Variants in IQGAP2 observed in about 807,000 individuals in gnomAD.
The protein encoded by IQGAP2 is IQ motif containing GTPase activating protein 2.
IQGAP2 carries 173 observed loss-of-function variants against 201.3 expected under a neutral mutation model. The ratio of observed to expected loss-of-function variants is 0.86; its 90% CI spans 0.76 to 0.98. The LOEUF (loss-of-function observed/expected upper bound fraction) is 0.98. Ranked by LOEUF, IQGAP2 falls within the 50% of genes least tolerant of loss-of-function variation. The pLI, the probability that IQGAP2 is intolerant of heterozygous loss-of-function variation, is 0.00. For missense variants in IQGAP2, 1,687 were observed against 1,864.8 expected (o/e 0.90, Z 1.76); for synonymous variants, 675 against 673.9 (o/e 1.00, Z -0.03).
chr5:76,617,841 A>C (rs147969213), intron 13 of IQGAP2: 2 of 1,613,926 alleles, frequency 1.2e-6, no homozygotes, highest in South Asian at 1.1e-5. Context: ...GTATGCATTA[A>C]GTGTCCGGAT....
chr5:76,558,870 C>T (rs1744127144), intron 2 of IQGAP2, among the ~76,000 whole-genome samples: 1 of 152,160 alleles, frequency 6.6e-6, no homozygotes, highest in Admixed American at 6.5e-5. Context: ...CCCAGTGCCT[C>T]TCCCTGGCTG....
At chr5:76,495,834 C>T (rs1029039021) in intron 2 of IQGAP2, among the ~76,000 whole-genome samples, 1 of 152,130 alleles carries the variant, frequency 6.6e-6, no homozygotes, top group African/African-American at 2.4e-5. Context: ...CACTTATCAC[C>T]AAGGGGATGG....
chr5:76,591,778 A>G (rs2150310128), intron 8 of IQGAP2, among the ~76,000 whole-genome samples: 1 of 152,254 alleles, frequency 6.6e-6, no homozygotes, highest in Admixed American at 6.5e-5. Flanking sequence ...ATCAGCCATC[A>G]GCTTTATGCC....
rs1554058983 is a variant in IQGAP2 at position 76,471,372 on chromosome 5, A to AC, written c.146+9703_146+9704insC. Among the ~76,000 whole-genome samples the AC allele has an allele frequency of 8.1e-3, 947 of 117,238 alleles. 15 individuals are homozygous for AC. The highest frequency in any genetic ancestry group is 0.026 in the African/African-American group (903 of 34,168). 76.9% of individuals were successfully genotyped at this position (117,238 alleles called of 152,430 possible). On this transcript the variant is annotated intron_variant, in intron 2 of 35. Transcript: ENST00000274364. ...TCTGAAAATAAACTAAGCAAAAAAA[A>AC]AAAAAAAAAAAAAACACCCTTCCCT...
chr5:76,698,277 G>T, intron 33 of IQGAP2, 130 bp downstream of exon 33: 2 of 591,824 alleles, frequency 3.4e-6, no homozygotes, highest in South Asian at 2.3e-5. Flanking sequence ...GAAAACTAGA[G>T]TCTCAGTTTT....
intron 2 of IQGAP2, among the ~76,000 whole-genome samples, chr5:76,511,916 G>A (rs1340260230): frequency 2.0e-5 from 3 of 151,964 alleles, no homozygotes; most frequent in African/African-American, 4.8e-5. Context: ...TCCTGACCTC[G>A]TGATCCGCCC....
At chr5:76,676,383 T>TC (rs1028759744) in intron 27 of IQGAP2, among the ~76,000 whole-genome samples, 1 of 151,892 alleles carries the variant, frequency 6.6e-6, no homozygotes, top group African/African-American at 2.4e-5. Flanking sequence ...CTGTTTAACC[T>TC]CCCCCAGCCT....
chr5:76,424,592 C>T (rs540831182), intron 1 of IQGAP2, among the ~76,000 whole-genome samples: 9 of 152,300 alleles, frequency 5.9e-5, no homozygotes, highest in Middle Eastern at 3.4e-3. Flanking sequence ...CCACCACGCC[C>T]GGCCCTAACA....
chr5:76,501,515 G>T (rs1166955904), intron 2 of IQGAP2, among the ~76,000 whole-genome samples: 1 of 152,032 alleles, frequency 6.6e-6, no homozygotes, highest in Non-Finnish European at 1.5e-5. Flanking sequence ...TATAGTGTTG[G>T]GTTGTCTGGT....
chr5:76,432,269 C>A (rs1028484702), intron 1 of IQGAP2, among the ~76,000 whole-genome samples: 9 of 151,914 alleles, frequency 5.9e-5, no homozygotes, highest in Non-Finnish European at 2.9e-5. Flanking sequence ...GGATTACAGG[C>A]ATGCACCACC....
At chr5:76,591,816 C>G (rs373919014) in intron 8 of IQGAP2, among the ~76,000 whole-genome samples, 1 of 152,210 alleles carries the variant, frequency 6.6e-6, no homozygotes, top group Non-Finnish European at 1.5e-5. Context: ...CCTCTCTCCT[C>G]CTTCTCCAGA....
chr5:76,506,385 T>C (rs754049909), intron 2 of IQGAP2, among the ~76,000 whole-genome samples: 2 of 152,226 alleles, frequency 1.3e-5, no homozygotes, highest in Non-Finnish European at 2.9e-5. Flanking sequence ...AATTCCTAAG[T>C]ACTACTATCT....
intron 2 of IQGAP2, among the ~76,000 whole-genome samples, chr5:76,526,046 A>G (rs1758955769): frequency 6.6e-6 from 1 of 152,218 alleles, no homozygotes; most frequent in African/African-American, 2.4e-5. Context: ...TCCCCAAAAC[A>G]AGAGCTTGTG....
At chr5:76,609,313 G>A in intron 12 of IQGAP2, 1 of 1,364,248 alleles carries the variant, frequency 7.3e-7, no homozygotes, top group East Asian at 2.5e-5. Context: ...AATCCTATAG[G>A]GTAAAACGAC....
intron 16 of IQGAP2, among the ~76,000 whole-genome samples, chr5:76,638,843 G>T (rs1469330942): frequency 6.6e-6 from 1 of 152,240 alleles, no homozygotes; most frequent in Non-Finnish European, 1.5e-5. Flanking sequence ...TAGTGAGGTA[G>T]ATCTTGCCGA....
At chr5:76,594,249 G>A (rs1386212996) in intron 9 of IQGAP2, among the ~76,000 whole-genome samples, 1 of 152,230 alleles carries the variant, frequency 6.6e-6, no homozygotes, top group African/African-American at 2.4e-5. Context: ...TTGCCAGTGA[G>A]ACATCTGAGG....
Position 76,683,901 on chromosome 5 carries a change from C to T in IQGAP2, c.3889C>T (p.Arg1297Ter), listed in dbSNP as rs1468854172. 3.7e-6 allele frequency: 6 copies of T among 1,610,518 alleles called. No homozygotes were observed. Among genetic ancestry groups the T allele is most frequent in the South Asian group, 2.2e-5 (2 of 90,228 alleles). Residue 1297 changes from arginine (R) to a stop codon, truncating the protein, a stop_gained, in exon 30 of 36, where the codon CGA (arginine) becomes TGA (stop). Coordinates refer to ENST00000274364, the MANE Select transcript of IQGAP2 (RefSeq NM_006633.5). LOFTEE classifies it high-confidence loss of function. ...AGAGGACGGTGAAGCTATAGATAGC[C>T]GAAGCCTCATGATAAAGTAAGTTTG... is the stretch of plus-strand genomic sequence containing the variant. Reference protein sequence around the residue: ...DIEDGEAIDSRSLMIKTKKLI... With the variant: ...DIEDGEAIDS
intron 1 of IQGAP2, among the ~76,000 whole-genome samples, chr5:76,460,270 A>G (rs938484712): frequency 7.9e-5 from 12 of 152,216 alleles, no homozygotes; most frequent in African/African-American, 2.2e-4. Context: ...CACCTGCAGA[A>G]GGTGGGAGAA....
chr5:76,626,417 T>C (rs1313685115), intron 13 of IQGAP2, among the ~76,000 whole-genome samples: 1 of 151,810 alleles, frequency 6.6e-6, no homozygotes, highest in Non-Finnish European at 1.5e-5. Context: ...ACTACAGGCA[T>C]GCACCACCAC....
Sources: gnomAD v4.1 joint callset for allele counts (sites outside exome capture counted in the v4.1 genomes callset) on GRCh38, gnomAD v4.1.1 for gene constraint, MANE v1.5 for transcripts, NCBI Gene and HGNC (gene_info 2026-07-23, HGNC 2026-07-21) for gene names.